The following CFAP58 variants were observed in gnomAD, a reference collection of about 807,000 sequenced individuals.
CFAP58 encodes cilia and flagella associated protein 58, also known as cilia- and flagella-associated protein 58.
Under a neutral mutation model 119.5 loss-of-function variants are expected in CFAP58, and 88 were observed. The ratio of observed to expected loss-of-function variants is 0.74; its 90% confidence interval spans 0.62 to 0.88. The LOEUF (loss-of-function observed/expected upper bound fraction) is 0.88, where lower values mean the gene tolerates loss of function less well. CFAP58 is among the 40% of genes least tolerant of loss of function. CFAP58 has a pLI of 0.00. For missense variants in CFAP58, 990 were observed against 1,021.2 expected (o/e 0.97, Z 0.42); for synonymous variants, 365 against 366.3 (o/e 1.00, Z 0.04).
At chr10:104,390,099 CTTTTGAG>C (rs964305008) in intron 9 of CFAP58, among the ~76,000 whole-genome samples, 5 of 152,154 alleles carry the variant, frequency 3.3e-5, no homozygotes, top group Admixed American at 1.3e-4. Context: ...ATATATATGT[CTTTTGAG>C]CCAGCTATTC....
At chr10:104,354,464 C>T (rs1279506456) in intron 1 of CFAP58, among the ~76,000 whole-genome samples, 1 of 152,098 alleles carries the variant, frequency 6.6e-6, no homozygotes, top group African/African-American at 2.4e-5. Context: ...CCACCACTCC[C>T]CCATATTACA....
upstream of CFAP58, chr10:104,353,812 C>A (rs761555496): frequency 2.0e-6 from 3 of 1,511,500 alleles, no homozygotes; most frequent in African/African-American, 1.4e-5. Context: ...GACAGCGCGT[C>A]GCGCCTTTAG....
chr10:104,427,872 C>T (rs1030953760), intron 15 of CFAP58, among the ~76,000 whole-genome samples: 2 of 152,042 alleles, frequency 1.3e-5, no homozygotes, highest in Non-Finnish European at 2.9e-5. Context: ...TCAGCAACAT[C>T]GAGGGTTATG....
At chr10:104,414,757 C>T (rs2012520759) in intron 15 of CFAP58, among the ~76,000 whole-genome samples, 1 of 152,194 alleles carries the variant, frequency 6.6e-6, no homozygotes, top group African/African-American at 2.4e-5. Context: ...GCAAGCTCCG[C>T]CTCCCGGGTT....
At chr10:104,410,775 C>T (rs1163998759) in intron 15 of CFAP58, among the ~76,000 whole-genome samples, 2 of 152,086 alleles carry the variant, frequency 1.3e-5, no homozygotes, top group Admixed American at 6.6e-5. Flanking sequence ...CCTGTGTCTT[C>T]GAATAGTCTC....
At chr10:104,356,041 C>T (rs1589905131) in intron 1 of CFAP58, among the ~76,000 whole-genome samples, 3 of 152,188 alleles carry the variant, frequency 2.0e-5, no homozygotes, top group Non-Finnish European at 4.4e-5. Flanking sequence ...GGGAGAAGAA[C>T]AGAACAGCAG....
At chr10:104,400,944 C>T (rs778538661) in intron 13 of CFAP58, 41 bp downstream of exon 13, 40 of 1,439,062 alleles carry the variant, frequency 2.8e-5, no homozygotes, top group Middle Eastern at 1.8e-4. Flanking sequence ...CACAGTGCAA[C>T]GTGGGGAGCT....
chr10:104,454,532 C>A lies in CFAP58; in HGVS notation c.*2C>A. 6.2e-7 allele frequency: 1 copy of A among 1,604,914 alleles called. No individual in the cohort carries two copies. Among genetic ancestry groups the A allele is most frequent in the Non-Finnish European group, 8.5e-7 (1 of 1,171,922 alleles). On this transcript the variant is annotated 3_prime_UTR_variant, in exon 18 of 18. Coordinates refer to ENST00000369704, the MANE Select transcript of CFAP58 (RefSeq NM_001008723.2). ...AGGTCAACCAAAATGACGTTCTAACCTGAAGCTGCTGGCTGTTTCCAGTTG... is the reference window on the plus strand; with the variant it reads ...AGGTCAACCAAAATGACGTTCTAACATGAAGCTGCTGGCTGTTTCCAGTTG...
chr10:104,361,149 A>G lies in CFAP58; in HGVS notation c.292-874A>G, dbSNP rs1399978935. ...TACATCCAAATTATGTCATGTTGCA[A>G]AATTTACTGTGCTTTTCTCCTTTAC... On this transcript the variant is annotated intron_variant, in intron 2 of 17. Transcript: ENST00000369704. Among the ~76,000 whole-genome samples the G allele has an allele frequency of 2.0e-5, 3 of 152,352 alleles. No individual in the cohort carries two copies. The East Asian group carries it at 5.8e-4, about 29-fold the overall frequency.
intron 9 of CFAP58, among the ~76,000 whole-genome samples, chr10:104,381,530 G>C (rs1409896371): frequency 6.6e-6 from 1 of 152,074 alleles, no homozygotes; most frequent in African/African-American, 2.4e-5. Flanking sequence ...GATGTGATCT[G>C]TTATGCAAGG....
chr10:104,362,130 A>G lies in CFAP58; in HGVS notation c.399A>G (p.Leu133=), dbSNP rs1174831312. The change falls in exon 3 of 18, where the codon CTA becomes CTG. Residue 133 remains leucine, a synonymous_variant. Transcript: ENST00000369704. The part of the protein sequence containing the change: ...LKEEIVNLTK[L]VEQGSGLSMD... ...AGGAAATAGTGAACCTGACCAAACT[A>G]GTGGAGCAGGGGTCTGGACTGTCAA... 1 of 1,614,088 alleles carries G rather than the reference A, an allele frequency of 6.2e-7. No individual in the cohort carries two copies. The highest frequency in any genetic ancestry group is 1.1e-5 in the South Asian group (1 of 91,078).
At chr10:104,365,563 A>G (rs111555628) in intron 4 of CFAP58, among the ~76,000 whole-genome samples, 2 of 152,246 alleles carry the variant, frequency 1.3e-5, no homozygotes, top group South Asian at 2.1e-4. Flanking sequence ...ATTTGATTTT[A>G]TACCACACTT....
At chr10:104,366,368 A>G (rs1020776489) in intron 5 of CFAP58, among the ~76,000 whole-genome samples, 1 of 151,802 alleles carries the variant, frequency 6.6e-6, no homozygotes, top group African/African-American at 2.4e-5. Context: ...CATTACCAGC[A>G]CCCCCAGAAG....
intron 8 of CFAP58, among the ~76,000 whole-genome samples, chr10:104,377,580 G>C (rs2011696416): frequency 6.6e-6 from 1 of 152,188 alleles, no homozygotes; most frequent in African/African-American, 2.4e-5. Context: ...TTCTTCCAGG[G>C]AGGAAGAAGC....
intron 11 of CFAP58, among the ~76,000 whole-genome samples, chr10:104,398,417 A>G (rs2012202156): frequency 6.6e-6 from 1 of 152,226 alleles, no homozygotes; most frequent in Non-Finnish European, 1.5e-5. Flanking sequence ...CTGTAATTGC[A>G]TTAAATGGAG....
At chr10:104,430,207 G>A (rs758134781) in intron 15 of CFAP58, among the ~76,000 whole-genome samples, 6 of 152,270 alleles carry the variant, frequency 3.9e-5, no homozygotes, top group Non-Finnish European at 5.9e-5. Context: ...CTTGTTGGTC[G>A]CTTTCTTTGC....
At chr10:104,446,074 AC>A (rs1471673908) in intron 15 of CFAP58, among the ~76,000 whole-genome samples, 1 of 152,172 alleles carries the variant, frequency 6.6e-6, no homozygotes, top group Non-Finnish European at 1.5e-5. Flanking sequence ...CATATTTATT[AC>A]CCTCTCCAAA....
the CFAP58 span, among the ~76,000 whole-genome samples, chr10:104,339,135 C>G: frequency 6.6e-6 from 1 of 152,182 alleles, no homozygotes. Context: ...CTCGAACTCC[C>G]TTCTCGGCCT....
chr10:104,388,896 C>T (rs1036539257), intron 9 of CFAP58, among the ~76,000 whole-genome samples: 1 of 152,140 alleles, frequency 6.6e-6, no homozygotes. Flanking sequence ...TCTGGACTCC[C>T]CTGAAGCCTA....
Sources: allele counts gnomAD v4.1 joint callset (sites outside exome capture counted in the v4.1 genomes callset), GRCh38; gene constraint gnomAD v4.1.1; transcripts MANE v1.5; gene names NCBI Gene and HGNC (gene_info 2026-07-23, HGNC 2026-07-21).